AGBL4: variants seen among roughly 807,000 people sequenced by gnomAD.
AGBL4 encodes the protein cytosolic carboxypeptidase 6.
A neutral mutation model predicts 66.4 loss-of-function variants in AGBL4; 58 were observed. That is an observed-to-expected ratio of 0.87 (90% CI 0.71 to 1.09). The LOEUF (loss-of-function observed/expected upper bound fraction) is 1.09, where lower values mean the gene tolerates loss of function less well. AGBL4 is among the 50% of genes least tolerant of loss of function. The probability of loss-of-function intolerance (pLI) is 0.00; values close to 1 mark genes in which losing one functional copy is unlikely to be tolerated. For missense variants in AGBL4, 579 were observed against 631.0 expected, an observed-to-expected ratio of 0.92 and a Z score of 0.88; for synonymous variants, 234 against 222.9, an observed-to-expected ratio of 1.05 and a Z score of -0.44.
chr1:48,820,466 T>C (rs1646285939), intron 6 of AGBL4, among the ~76,000 whole-genome samples: 1 of 152,192 alleles, frequency 6.6e-6, no homozygotes, highest in African/African-American at 2.4e-5. Flanking sequence ...TATGCTTTAT[T>C]GTTGAGTAAA....
chr1:48,595,984 T>C (rs1644989122), intron 9 of AGBL4, among the ~76,000 whole-genome samples: 2 of 152,232 alleles, frequency 1.3e-5, no homozygotes, highest in South Asian at 4.1e-4. Context: ...AACTGAAGCT[T>C]AGGCAGGAAT....
At chr1:49,045,443 T>TAATAAATATTACAATTAATA (rs1644054295) in intron 5 of AGBL4, 141 bp downstream of exon 5, 4 of 606,506 alleles carry the variant, frequency 6.6e-6, no homozygotes, top group Non-Finnish European at 8.4e-6. Flanking sequence ...TATATAATTG[T>TAATAAATATTACAATTAATA]TTAATTGTAG....
chr1:49,286,076 T>C (rs1032308255), intron 3 of AGBL4, among the ~76,000 whole-genome samples: 2 of 152,224 alleles, frequency 1.3e-5, no homozygotes, highest in African/African-American at 4.8e-5. Context: ...ATCATAAATG[T>C]AATCCAGCAT....
chr1:49,753,260 G>A (rs531405362), intron 2 of AGBL4, among the ~76,000 whole-genome samples: 1 of 152,274 alleles, frequency 6.6e-6, no homozygotes, highest in African/African-American at 2.4e-5. Context: ...CACGGGCAAG[G>A]CTGATGGTGA....
intron 1 of AGBL4, among the ~76,000 whole-genome samples, chr1:49,872,702 T>C (rs1646867295): frequency 6.6e-6 from 1 of 152,102 alleles, no homozygotes; most frequent in Non-Finnish European, 1.5e-5. Context: ...AGAATCTATA[T>C]GGCAAATTAT....
intron 2 of AGBL4, among the ~76,000 whole-genome samples, chr1:49,776,532 G>A (rs1041057615): frequency 2.4e-4 from 37 of 152,000 alleles, no homozygotes; most frequent in Admixed American, 3.9e-4. Context: ...TTCCCTTAGG[G>A]TATTACCTGC....
intron 10 of AGBL4, among the ~76,000 whole-genome samples, chr1:48,588,817 G>GAA (rs1376116144): frequency 6.9e-6 from 1 of 145,380 alleles, no homozygotes; most frequent in Non-Finnish European, 1.5e-5. Flanking sequence ...GAAGAGAAGA[G>GAA]AAGAGAAGAG....
At chr1:49,473,405 C>T (rs1044546819) in intron 3 of AGBL4, among the ~76,000 whole-genome samples, 8 of 152,028 alleles carry the variant, frequency 5.3e-5, no homozygotes, top group Admixed American at 1.3e-4. Context: ...TGAGGTTGAG[C>T]ATTTTTTCAT....
chr1:48,960,092 G>A (rs1321311517), intron 5 of AGBL4, among the ~76,000 whole-genome samples: 1 of 152,184 alleles, frequency 6.6e-6, no homozygotes, highest in Non-Finnish European at 1.5e-5. Flanking sequence ...CCACCAGTTA[G>A]TAGGCTATTT....
chr1:48,836,878 G>A (rs1300662465), intron 6 of AGBL4, among the ~76,000 whole-genome samples: 1 of 151,446 alleles, frequency 6.6e-6, no homozygotes. Context: ...TGTGCTGGTT[G>A]TAGAGGCTGG....
At chr1:48,865,764 C>T (rs1436778824) in intron 6 of AGBL4, among the ~76,000 whole-genome samples, 1 of 152,070 alleles carries the variant, frequency 6.6e-6, no homozygotes, top group African/African-American at 2.4e-5. Context: ...AGGGTGTGAC[C>T]TGATAAACTC....
chr1:50,012,238 G>GA (rs951821798), intron 1 of AGBL4, among the ~76,000 whole-genome samples: 145 of 146,870 alleles, frequency 9.9e-4, no homozygotes, highest in Middle Eastern at 3.5e-3. Flanking sequence ...GATATGGATT[G>GA]AAAAAAAAAT....
At chr1:49,809,444 A>T (rs1645050529) in intron 2 of AGBL4, among the ~76,000 whole-genome samples, 1 of 152,066 alleles carries the variant, frequency 6.6e-6, no homozygotes, top group Non-Finnish European at 1.5e-5. Context: ...AGTCTCTAAT[A>T]AAGAGTTGGT....
chr1:49,317,247 GTA>G (rs1168866091), intron 3 of AGBL4, among the ~76,000 whole-genome samples: 1 of 151,840 alleles, frequency 6.6e-6, no homozygotes, highest in Non-Finnish European at 1.5e-5. Flanking sequence ...GTAAGAAAAA[GTA>G]TAATGTAGTG....
At chr1:49,096,616 A>G (rs1645108613) in intron 4 of AGBL4, among the ~76,000 whole-genome samples, 2 of 145,318 alleles carry the variant, frequency 1.4e-5, no homozygotes, top group Admixed American at 1.5e-4. Context: ...GCATACTCTC[A>G]CTCATAGGTG....
intron 3 of AGBL4, among the ~76,000 whole-genome samples, chr1:49,306,653 G>A (rs970755585): frequency 3.9e-5 from 6 of 152,162 alleles, no homozygotes; most frequent in African/African-American, 1.4e-4. Flanking sequence ...TCTATTTGTG[G>A]ATTGACATCA....
chr1:49,419,559 C>A (rs1645498452), intron 3 of AGBL4, among the ~76,000 whole-genome samples: 1 of 152,168 alleles, frequency 6.6e-6, no homozygotes. Flanking sequence ...CAGTCATCTC[C>A]CACGTAGGCA....
chr1:48,574,641 C>A (rs1183778620), intron 11 of AGBL4, among the ~76,000 whole-genome samples: 1 of 151,334 alleles, frequency 6.6e-6, no homozygotes, highest in Non-Finnish European at 1.5e-5. Context: ...GTGGTCCTGA[C>A]CTCCTCCTCC....
chr1:48,734,291 A>G (rs1416222831), intron 6 of AGBL4, among the ~76,000 whole-genome samples: 4 of 152,160 alleles, frequency 2.6e-5, no homozygotes, highest in Non-Finnish European at 5.9e-5. Context: ...GAAACCTTAT[A>G]GCTTTGACCT....
Sources: gnomAD v4.1 joint callset for allele counts (sites outside exome capture counted in the v4.1 genomes callset) on GRCh38, gnomAD v4.1.1 for gene constraint, MANE v1.5 for transcripts, NCBI Gene and HGNC (gene_info 2026-07-23, HGNC 2026-07-21) for gene names.